Variants in ARHGAP6 observed in about 807,000 individuals in gnomAD.
ARHGAP6 encodes the protein Rho GTPase activating protein 6.
A neutral mutation model predicts 55.7 loss-of-function variants in ARHGAP6; 16 were observed. The observed-to-expected ratio is 0.29, with a 90% confidence interval of 0.19 to 0.44. The LOEUF is 0.44. Ranked by LOEUF, ARHGAP6 falls within the 20% of genes least tolerant of loss-of-function variation. The pLI is 1.00. For synonymous variants in ARHGAP6, 382 were observed against 360.9 expected, an observed-to-expected ratio of 1.06 and a Z score of -0.66; for missense variants, 698 against 808.9, an observed-to-expected ratio of 0.86 and a Z score of 1.66.
intron 1 of ARHGAP6, among the ~76,000 whole-genome samples, chrX:11,602,182 T>A: frequency 9.0e-6 from 1 of 111,632 alleles, no homozygotes; most frequent in East Asian, 2.8e-4. Context: ...AATATATATA[T>A]AATTTGTTCC....
chrX:11,347,184 C>G (rs765096262), intron 1 of ARHGAP6, among the ~76,000 whole-genome samples: 1 of 112,312 alleles, frequency 8.9e-6, no homozygotes, highest in African/African-American at 3.2e-5. Context: ...ATAGAAGTCA[C>G]AGCTGTACGC....
At chrX:11,525,494 T>C (rs756858007) in intron 1 of ARHGAP6, among the ~76,000 whole-genome samples, 57 of 111,909 alleles carry the variant, frequency 5.1e-4, no homozygotes, top group African/African-American at 1.7e-3. Context: ...ATTTGATTCA[T>C]AAGGAAAATA....
intron 1 of ARHGAP6, among the ~76,000 whole-genome samples, chrX:11,583,359 C>A (rs2051687091): frequency 8.9e-6 from 1 of 112,061 alleles, no homozygotes; most frequent in Non-Finnish European, 1.9e-5. Flanking sequence ...CAGAACTGGA[C>A]CAGATTGTTT....
At chrX:11,210,039 C>G (rs2046768295) in intron 2 of ARHGAP6, among the ~76,000 whole-genome samples, 2 of 112,742 alleles carry the variant, frequency 1.8e-5, no homozygotes, top group Admixed American at 1.9e-4. Context: ...TGTAAGAGAG[C>G]TTGGCAATTA....
intron 1 of ARHGAP6, among the ~76,000 whole-genome samples, chrX:11,297,430 A>G (rs1043320234): frequency 8.9e-6 from 1 of 112,255 alleles, no homozygotes; most frequent in African/African-American, 3.2e-5. Flanking sequence ...AATAATTATA[A>G]TAACCATATT....
At chrX:11,524,671 A>C (rs1298112608) in intron 1 of ARHGAP6, among the ~76,000 whole-genome samples, 1 of 111,566 alleles carries the variant, frequency 9.0e-6, no homozygotes, top group Non-Finnish European at 1.9e-5. Context: ...TCTTGGCACC[A>C]GGGAGCGGTT....
At chrX:11,406,776 A>T (rs2049614520) in intron 1 of ARHGAP6, among the ~76,000 whole-genome samples, 2 of 111,618 alleles carry the variant, frequency 1.8e-5, no homozygotes, top group African/African-American at 6.5e-5. Flanking sequence ...GTTTCCCATG[A>T]CATAAAATAA....
intron 1 of ARHGAP6, among the ~76,000 whole-genome samples, chrX:11,579,644 G>C (rs1038496201): frequency 7.1e-5 from 8 of 112,032 alleles, no homozygotes; most frequent in Admixed American, 2.8e-4. Flanking sequence ...CCTTTAGCCT[G>C]CCTAACTTAC....
intron 1 of ARHGAP6, among the ~76,000 whole-genome samples, chrX:11,340,048 C>T (rs1472922101): frequency 1.8e-5 from 2 of 112,025 alleles, no homozygotes; most frequent in African/African-American, 6.5e-5. Flanking sequence ...CAAGCCCAAT[C>T]TTCCATTAAC....
chrX:11,393,268 A>G (rs917617141), intron 1 of ARHGAP6, among the ~76,000 whole-genome samples: 7 of 110,974 alleles, frequency 6.3e-5, no homozygotes, highest in African/African-American at 2.3e-4. Flanking sequence ...AAAACAAACA[A>G]AAGCAAAAAC....
intron 10 of ARHGAP6, among the ~76,000 whole-genome samples, chrX:11,151,154 C>T (rs1417794810): frequency 9.0e-6 from 1 of 111,459 alleles, no homozygotes; most frequent in African/African-American, 3.3e-5. Flanking sequence ...ATCCTTAAAT[C>T]AAAGGGTAGG....
At chrX:11,278,285 T>G (rs2047804674) in intron 1 of ARHGAP6, among the ~76,000 whole-genome samples, 1 of 111,716 alleles carries the variant, frequency 9.0e-6, no homozygotes, top group Admixed American at 9.5e-5. Context: ...AAGTCTAGAT[T>G]ATCCAGGTGG....
intron 1 of ARHGAP6, chrX:11,294,756 G>A (rs752442424): frequency 9.2e-6 from 11 of 1,200,403 alleles, no homozygotes; most frequent in Non-Finnish European, 1.0e-5. Flanking sequence ...TAAGAAAAGT[G>A]GATGTTGACT....
At chrX:11,225,185 T>G (rs2047029475) in intron 2 of ARHGAP6, among the ~76,000 whole-genome samples, 1 of 111,085 alleles carries the variant, frequency 9.0e-6, no homozygotes, top group African/African-American at 3.3e-5. Flanking sequence ...AGGGGATGAC[T>G]GTGTGAGTGA....
At chrX:11,594,456 G>T (rs1473754485) in intron 1 of ARHGAP6, among the ~76,000 whole-genome samples, 3 of 111,386 alleles carry the variant, frequency 2.7e-5, no homozygotes, top group Non-Finnish European at 5.7e-5. Flanking sequence ...CTAATTCAGG[G>T]GTCATCAGCT....
intron 1 of ARHGAP6, among the ~76,000 whole-genome samples, chrX:11,591,242 G>A (rs954359279): frequency 1.8e-5 from 2 of 109,071 alleles, no homozygotes; most frequent in Non-Finnish European, 3.8e-5. Context: ...AAATTCCAGC[G>A]TAGCAGTCAA....
chrX:11,391,263 A>G lies in ARHGAP6; in HGVS notation c.589-136556T>C, dbSNP rs753103626. On this transcript the variant is annotated intron_variant, in intron 1 of 12. Transcript: ENST00000337414. ...CTCACTCATAGGTGGGAATTGAACA[A>G]TGAGAACACATGGACACAGGAAGGG... Among the ~76,000 whole-genome samples the G allele has an allele frequency of 1.4e-4, 16 of 111,323 alleles. No individual in the cohort carries two copies. The East Asian group carries it at 3.9e-3, about 27-fold the overall frequency.
In ARHGAP6 at chrX:11,304,777, C is replaced by CTTTTTTT. The variant is rs953912280; in HGVS notation, c.589-50077_589-50071dup. Among the ~76,000 whole-genome samples, 34 of 50,281 alleles carry CTTTTTTT rather than the reference C, an allele frequency of 6.8e-4. 4 individuals are homozygous for CTTTTTTT. Among genetic ancestry groups the CTTTTTTT allele is most frequent in the African/African-American group, 1.8e-3 (21 of 11,573 alleles). 43.7% of individuals were successfully genotyped at this position (50,281 alleles called of 115,157 possible). ...AAGGATTTCATTTTTCTTTCTTTTACTTTTTTTTTTTTTTTTTTTTTTTTT... is the reference window on the plus strand; with the variant it reads ...AAGGATTTCATTTTTCTTTCTTTTACTTTTTTTTTTTTTTTTTTTTTTTTTTTTTTTT... On this transcript the variant is annotated intron_variant, in intron 1 of 12. Coordinates refer to ENST00000337414, the MANE Select transcript of ARHGAP6 (RefSeq NM_013427.3).
chrX:11,575,194 T>C (rs2051581591), intron 1 of ARHGAP6, among the ~76,000 whole-genome samples: 1 of 111,634 alleles, frequency 9.0e-6, no homozygotes, highest in Non-Finnish European at 1.9e-5. Context: ...TCTGCCATTT[T>C]CTAGGCCATT....
Sources: gnomAD v4.1 joint callset for allele counts (sites outside exome capture counted in the v4.1 genomes callset) on GRCh38, gnomAD v4.1.1 for gene constraint, MANE v1.5 for transcripts, NCBI Gene and HGNC (gene_info 2026-07-23, HGNC 2026-07-21) for gene names.